Variants in SGCE observed in about 807,000 individuals in gnomAD.
SGCE encodes the protein epsilon-sarcoglycan.
In SGCE, 26 loss-of-function variants were observed where a neutral mutation model predicts 57.8. The ratio of observed to expected loss-of-function variants is 0.45; its 90% CI spans 0.33 to 0.62. The LOEUF (loss-of-function observed/expected upper bound fraction) is 0.62. Among genes scored for constraint, SGCE ranks in the 20% least tolerant of loss-of-function variants. The probability of loss-of-function intolerance (pLI) is 0.02; values close to 1 mark genes in which losing one functional copy is unlikely to be tolerated. For synonymous variants in SGCE, 183 were observed against 189.5 expected, an observed-to-expected ratio of 0.97 and a Z score of 0.28; for missense variants, 468 against 548.6, an observed-to-expected ratio of 0.85 and a Z score of 1.47.
chr7:94,630,796 C>A (rs958357536), intron 1 of SGCE, among the ~76,000 whole-genome samples: 1 of 151,870 alleles, frequency 6.6e-6, no homozygotes, highest in Non-Finnish European at 1.5e-5. Context: ...TCTTTTAAGT[C>A]ATTAATGGAT....
At chr7:94,631,372 G>A (rs1330347357) in intron 1 of SGCE, among the ~76,000 whole-genome samples, 2 of 151,698 alleles carry the variant, frequency 1.3e-5, no homozygotes, top group Admixed American at 6.6e-5. Flanking sequence ...GAAGATGAAA[G>A]AGACCCTGCC....
intron 10 of SGCE, among the ~76,000 whole-genome samples, chr7:94,586,060 T>TAA (rs1796844570): frequency 1.7e-4 from 1 of 5,940 alleles, no homozygotes; most frequent in East Asian, 2.8e-3. Context: ...AGGAACTAAA[T>TAA]GAAAAAAAAA....
intron 1 of SGCE, among the ~76,000 whole-genome samples, chr7:94,646,759 C>T (rs1004580585): frequency 6.6e-6 from 1 of 152,166 alleles, no homozygotes; most frequent in South Asian, 2.1e-4. Context: ...TAACAATGCT[C>T]ACATGCTCTT....
intron 5 of SGCE, among the ~76,000 whole-genome samples, chr7:94,605,809 A>G (rs143845755): frequency 0.012 from 1,879 of 152,194 alleles, 43 homozygotes; most frequent in African/African-American, 0.043. Context: ...AGTAACAAAT[A>G]TAGTAGATTT....
chr7:94,602,313 G>A (rs893566232), intron 6 of SGCE, among the ~76,000 whole-genome samples: 4 of 152,110 alleles, frequency 2.6e-5, no homozygotes, highest in African/African-American at 9.7e-5. Flanking sequence ...TTTTTCTAAA[G>A]GCCATGAGAC....
At position 94,600,876 on chromosome 7, in the gene SGCE, A is replaced by G. The variant is rs762234215; in HGVS notation, c.826-19T>C. On this transcript the variant is annotated intron_variant, in intron 6 of 10. Coordinates refer to ENST00000648936, the MANE Select transcript of SGCE (RefSeq NM_003919.3). ...TATCAACCTGATATAAAAGAAGACA[A>G]TTACACAACAAATTAATCGTTGCAA... The G allele has an allele frequency of 6.4e-7, 1 of 1,567,956 alleles. No individual in the cohort carries two copies. The highest frequency in any genetic ancestry group is 1.1e-5 in the South Asian group (1 of 88,864).
intron 1 of SGCE, among the ~76,000 whole-genome samples, chr7:94,651,134 T>C (rs2117101542): frequency 6.6e-6 from 1 of 152,310 alleles, no homozygotes; most frequent in Admixed American, 6.5e-5. Context: ...ATAACCTTCA[T>C]TTTCCTAAAG....
intron 9 of SGCE, chr7:94,597,078 A>G (rs1344538343): frequency 6.6e-6 from 1 of 152,138 alleles, no homozygotes; most frequent in Admixed American, 6.5e-5. Context: ...ATGATGACCC[A>G]TAATAGGTGG....
At chr7:94,610,460 G>T (rs1390896059) in intron 5 of SGCE, among the ~76,000 whole-genome samples, 1 of 152,114 alleles carries the variant, frequency 6.6e-6, no homozygotes, top group South Asian at 2.1e-4. Flanking sequence ...AGCAATCTCT[G>T]CACCTTATGC....
chr7:94,636,190 G>A (rs1414253528), intron 1 of SGCE, among the ~76,000 whole-genome samples: 2 of 152,170 alleles, frequency 1.3e-5, no homozygotes, highest in African/African-American at 4.8e-5. Context: ...TTTCATGTGT[G>A]TGTTTTTTAA....
In SGCE at chr7:94,603,336, T is replaced by G; in HGVS notation, c.779A>C (p.Lys260Thr). 1 of 1,612,690 alleles carries G rather than the reference T, an allele frequency of 6.2e-7. No homozygotes were observed. Among genetic ancestry groups the G allele is most frequent in the African/African-American group, 1.3e-5 (1 of 74,994 alleles). ...QEMEPVITCD[K>T]KFRTQFYIDW... is the part of the protein sequence containing the mutation. ...AATGTAAAATTGAGTACGAAATTTT[T>G]TATCACATGTTATTACAGGCTCCAT... The change falls in exon 6 of 11, where the codon AAA becomes ACA. Residue 260 changes from lysine (K) to threonine (T), a missense_variant. Coordinates refer to ENST00000648936, the MANE Select transcript of SGCE (RefSeq NM_003919.3).
At chr7:94,611,477 C>G (rs1043973357) in intron 5 of SGCE, among the ~76,000 whole-genome samples, 10 of 120,318 alleles carry the variant, frequency 8.3e-5, no homozygotes, top group Non-Finnish European at 1.6e-4. Context: ...TAGTGGCTGC[C>G]TAGGGGTAGG....
chr7:94,587,419 T>A, intron 10 of SGCE: 1 of 1,146,554 alleles, frequency 8.7e-7, no homozygotes, highest in Non-Finnish European at 1.1e-6. Context: ...TAATTAAGAA[T>A]CAGAAGATAG....
chr7:94,600,580 A>G, intron 7 of SGCE, 66 bp downstream of exon 7: 1 of 1,231,930 alleles, frequency 8.1e-7, no homozygotes, highest in Non-Finnish European at 1.2e-6. Flanking sequence ...TTTGCTTTTA[A>G]TGGAATCTTC....
intron 1 of SGCE, among the ~76,000 whole-genome samples, chr7:94,637,204 A>G (rs1805711587): frequency 6.6e-6 from 1 of 152,214 alleles, no homozygotes; most frequent in Admixed American, 6.5e-5. Flanking sequence ...AGAACATTCT[A>G]TATCTGAGAC....
rs1267214111 is a variant in SGCE, at chr7:94,628,187, C to T, written c.390+15G>A. ...ACATATATGTATAGTTTTGCTCTTT[C>T]TAGGTGTAAATTACCTCAATGATTG... On this transcript the variant is annotated intron_variant, in intron 3 of 10. Transcript: ENST00000648936. 1 of 1,603,076 alleles carries T rather than the reference C, an allele frequency of 6.2e-7. No individual in the cohort carries two copies.
chr7:94,613,760 T>C (rs1801430739), intron 5 of SGCE, among the ~76,000 whole-genome samples: 1 of 152,198 alleles, frequency 6.6e-6, no homozygotes, highest in African/African-American at 2.4e-5. Context: ...TTTGTTATTT[T>C]ATGTATATAG....
intron 8 of SGCE, 79 bp downstream of exon 8, chr7:94,599,618 C>T: frequency 1.9e-6 from 2 of 1,065,368 alleles, no homozygotes; most frequent in East Asian, 2.4e-5. Flanking sequence ...AAAAGCTTGA[C>T]ACACATGTAT....
At position 94,654,451 on chromosome 7, in the gene SGCE, C is replaced by G. The variant is rs191313602; in HGVS notation, c.109+1539G>C. On this transcript the variant is annotated intron_variant, in intron 1 of 10. Transcript: ENST00000648936. ...AAGAATTTGACAGCGGTCACCAGAACAGTACTCTACCAAGCATAAGAAATC... is the reference window on the plus strand; with the variant it reads ...AAGAATTTGACAGCGGTCACCAGAAGAGTACTCTACCAAGCATAAGAAATC... Among the ~76,000 whole-genome samples, 5 of 152,256 alleles carry G rather than the reference C, an allele frequency of 3.3e-5. No homozygotes were observed. In the East Asian group the frequency reaches 9.6e-4, roughly 29 times the overall value.
Sources: gnomAD v4.1 joint callset for allele counts (sites outside exome capture counted in the v4.1 genomes callset) on GRCh38, gnomAD v4.1.1 for gene constraint, MANE v1.5 for transcripts, NCBI Gene and HGNC (gene_info 2026-07-23, HGNC 2026-07-21) for gene names.